ALDH9A1: variants seen among roughly 807,000 people sequenced by gnomAD.
The protein encoded by ALDH9A1 is aldehyde dehydrogenase 9 family member A1, also known as 4-trimethylaminobutyraldehyde dehydrogenase.
Under a neutral mutation model 56.6 loss-of-function variants are expected in ALDH9A1, and 42 were observed. The ratio of observed to expected loss-of-function variants is 0.74; its 90% CI spans 0.58 to 0.96. The LOEUF is 0.96. Among genes scored for constraint, ALDH9A1 ranks in the 40% least tolerant of loss-of-function variants. The pLI is 0.00. For synonymous variants in ALDH9A1, 242 were observed against 236.0 expected, an observed-to-expected ratio of 1.03 and a Z score of -0.23; for missense variants, 661 against 651.5, an observed-to-expected ratio of 1.01 and a Z score of -0.16.
chr1:165,677,514 A>G (rs1046451593), intron 6 of ALDH9A1, among the ~76,000 whole-genome samples: 1 of 152,180 alleles, frequency 6.6e-6, no homozygotes, highest in Non-Finnish European at 1.5e-5. Context: ...GCATATCAAA[A>G]GGTCACGGAA....
intron 6 of ALDH9A1, among the ~76,000 whole-genome samples, chr1:165,669,952 C>A (rs540013907): frequency 7.2e-4 from 110 of 152,146 alleles, no homozygotes; most frequent in African/African-American, 2.6e-3. Context: ...ACAGAAAAGT[C>A]CAAAAACACA....
Position 165,662,339 on chromosome 1 carries a change from G to A in ALDH9A1, c.*711C>T, listed in dbSNP as rs944894175. On this transcript the variant is annotated 3_prime_UTR_variant, in exon 11 of 11. Transcript: ENST00000354775. The stretch of plus-strand genomic sequence containing the variant: ...GGCTGTAGTTCAAGGACCCAAGATA[G>A]GGAGATAGATTTCCTCTATCGCAGT... 1.3e-5 allele frequency: 2 copies of A among 152,258 alleles called. No homozygotes were observed. Among genetic ancestry groups the A allele is most frequent in the African/African-American group, 4.8e-5 (2 of 41,456 alleles). The allele number at this position is 152,258 out of a possible 1,614,324, so 9.4% of individuals were successfully genotyped here. A position where few individuals can be genotyped will look rare whatever the true frequency, so the allele number is the denominator to read the frequency against.
At chr1:165,690,249 C>T (rs920928613) in intron 2 of ALDH9A1, among the ~76,000 whole-genome samples, 6 of 150,678 alleles carry the variant, frequency 4.0e-5, no homozygotes, top group Non-Finnish European at 7.4e-5. Context: ...TATACACACA[C>T]ACTCTTGAAA....
At chr1:165,670,415 TGA>T (rs1312701850) in intron 6 of ALDH9A1, among the ~76,000 whole-genome samples, 1 of 147,518 alleles carries the variant, frequency 6.8e-6, no homozygotes, top group Non-Finnish European at 1.5e-5. Flanking sequence ...CCAGCCTGCA[TGA>T]GAGAGCGAGA....
At position 165,682,109 on chromosome 1, in the gene ALDH9A1, C is replaced by T; in HGVS notation, c.590G>A (p.Cys197Tyr). 6.2e-7 allele frequency: 1 copy of T among 1,613,856 alleles called. No individual in the cohort carries two copies. Among genetic ancestry groups the T allele is most frequent in the Non-Finnish European group, 8.5e-7 (1 of 1,179,872 alleles). The part of the protein sequence containing the change: ...ASWKSAPALA[C>Y]GNAMVFKPSP... ...ATGGAGGGATAATTCATTCTTACCA[C>T]AGGCTAATGCTGGAGCCGACTTCCA... is the stretch of plus-strand genomic sequence containing the variant. The change falls in exon 4 of 11, where the codon TGT becomes TAT. Residue 197 changes from cysteine to tyrosine, a missense_variant and splice_region_variant. Coordinates refer to ENST00000354775, the MANE Select transcript of ALDH9A1 (RefSeq NM_000696.4).
In ALDH9A1 at chr1:165,680,568, C is replaced by T; in HGVS notation, c.708G>A (p.Gly236=). ...PPGLFNVVQG[G]AATGQFLCQH... Reference sequence around the variant, plus strand: ...GACACAGAAACTGGCCTGTGGCAGCCCCTCCCTGCACCACATTGAAGAGCC... The same window carrying T: ...GACACAGAAACTGGCCTGTGGCAGCTCCTCCCTGCACCACATTGAAGAGCC... Residue 236 remains glycine (G), a synonymous_variant, in exon 5 of 11, where the codon GGG becomes GGA. Coordinates refer to ENST00000354775, the MANE Select transcript of ALDH9A1 (RefSeq NM_000696.4). 6.2e-7 allele frequency: 1 copy of T among 1,614,126 alleles called. No individual in the cohort carries two copies. Among genetic ancestry groups the T allele is most frequent in the Middle Eastern group, 1.6e-4 (1 of 6,062 alleles).
intron 4 of ALDH9A1, 56 bp from the exon 5 acceptor site, chr1:165,680,739 GA>G: frequency 1.3e-6 from 2 of 1,484,586 alleles, no homozygotes; most frequent in Non-Finnish European, 1.8e-6. Context: ...GTGATCCCCT[GA>G]AAACAGGACT....
chr1:165,683,253 T>C (rs1649609061), intron 2 of ALDH9A1, 143 bp from the exon 3 acceptor site: 8 of 898,262 alleles, frequency 8.9e-6, no homozygotes, highest in East Asian at 2.5e-5. Flanking sequence ...GTGTTACATT[T>C]AGAAGAGAGA....
chr1:165,672,311 G>T (rs1649202620), intron 6 of ALDH9A1, among the ~76,000 whole-genome samples: 1 of 152,078 alleles, frequency 6.6e-6, no homozygotes, highest in African/African-American at 2.4e-5. Context: ...ACATACAATG[G>T]AATATTATTT....
intron 2 of ALDH9A1, among the ~76,000 whole-genome samples, chr1:165,687,767 C>A (rs937564500): frequency 7.3e-5 from 11 of 151,312 alleles, no homozygotes; most frequent in African/African-American, 2.2e-4. Context: ...GTGGGCGGAT[C>A]ACTGGAGGTC....
chr1:165,672,551 T>A (rs1649212240), intron 6 of ALDH9A1, among the ~76,000 whole-genome samples: 1 of 152,086 alleles, frequency 6.6e-6, no homozygotes, highest in Non-Finnish European at 1.5e-5. Flanking sequence ...CAGTTTTCAA[T>A]GTGGGGTGAT....
chr1:165,687,981 C>T (rs564840388), intron 2 of ALDH9A1, among the ~76,000 whole-genome samples: 2 of 148,010 alleles, frequency 1.4e-5, no homozygotes, highest in East Asian at 4.0e-4. Flanking sequence ...GAGAGAGACT[C>T]CTCTCAAAAA....
intron 9 of ALDH9A1, among the ~76,000 whole-genome samples, chr1:165,665,526 A>G (rs372807674): frequency 6.6e-6 from 1 of 152,384 alleles, no homozygotes; most frequent in East Asian, 1.9e-4. Context: ...TTTGAAGAAA[A>G]CAGAGGAATA....
Position 165,698,360 on chromosome 1 carries a change from C to G in ALDH9A1, c.181+18G>C, listed in dbSNP as rs767145320. Reference sequence around the variant, plus strand: ...CCGGCCCCAGGGCGCCCCAGCCTCCCCGGCTCGTTGCAGTTACCGGTTGCT... The same window carrying G: ...CCGGCCCCAGGGCGCCCCAGCCTCCGCGGCTCGTTGCAGTTACCGGTTGCT... On this transcript the variant is annotated intron_variant, in intron 1 of 10. Coordinates refer to ENST00000354775, the MANE Select transcript of ALDH9A1 (RefSeq NM_000696.4). The G allele has an allele frequency of 1.3e-6, 2 of 1,583,748 alleles. No individual in the cohort carries two copies. The highest frequency in any genetic ancestry group is 1.7e-6 in the Non-Finnish European group (2 of 1,167,486).
intron 6 of ALDH9A1, among the ~76,000 whole-genome samples, chr1:165,678,499 T>G (rs1649440781): frequency 6.6e-6 from 1 of 152,078 alleles, no homozygotes; most frequent in African/African-American, 2.4e-5. Flanking sequence ...CAGTAGAAGG[T>G]GAACAAATAT....
chr1:165,692,376 C>T (rs1409202418), intron 2 of ALDH9A1, among the ~76,000 whole-genome samples: 4 of 152,168 alleles, frequency 2.6e-5, no homozygotes, highest in Non-Finnish European at 5.9e-5. Flanking sequence ...TCTCAAGATA[C>T]AAAATCAATG....
intron 6 of ALDH9A1, chr1:165,671,815 G>A (rs1649188932): frequency 4.5e-6 from 1 of 223,514 alleles, no homozygotes; most frequent in African/African-American, 2.4e-5. Flanking sequence ...TTTAGAGAGG[G>A]ATTTGGCAAT....
chr1:165,693,153 G>T (rs1649949815), intron 2 of ALDH9A1, among the ~76,000 whole-genome samples: 1 of 152,150 alleles, frequency 6.6e-6, no homozygotes, highest in African/African-American at 2.4e-5. Context: ...ACACAGGCAT[G>T]GGCAAGGACT....
chr1:165,669,630 T>A (rs112868612), intron 6 of ALDH9A1, among the ~76,000 whole-genome samples, 180 bp from the exon 7 acceptor site: 4 of 152,170 alleles, frequency 2.6e-5, no homozygotes, highest in Admixed American at 2.0e-4. Flanking sequence ...CACGTAATTG[T>A]GGACATACCA....
Sources: gnomAD v4.1 joint callset for allele counts (sites outside exome capture counted in the v4.1 genomes callset) on GRCh38, gnomAD v4.1.1 for gene constraint, MANE v1.5 for transcripts, NCBI Gene and HGNC (gene_info 2026-07-23, HGNC 2026-07-21) for gene names.